Variants in CFAP69 observed in about 807,000 individuals in gnomAD.
CFAP69 encodes cilia- and flagella-associated protein 69.
Under a neutral mutation model 123.0 loss-of-function variants are expected in CFAP69, and 92 were observed. The ratio of observed to expected loss-of-function variants is 0.75; its 90% CI spans 0.63 to 0.89. The LOEUF is 0.89. CFAP69 is among the 40% of genes least tolerant of loss of function. The pLI, the probability that CFAP69 is intolerant of heterozygous loss-of-function variation, is 0.00. For missense variants in CFAP69, 1,067 were observed against 1,096.9 expected (o/e 0.97, Z 0.39); for synonymous variants, 380 against 364.3 (o/e 1.04, Z -0.49).
intron 2 of CFAP69, among the ~76,000 whole-genome samples, chr7:90,256,096 C>T (rs548881859): frequency 3.8e-4 from 57 of 151,948 alleles, no homozygotes; most frequent in Non-Finnish European, 6.3e-4. Context: ...AAAAGGAATA[C>T]GTATTGTTAG....
At chr7:90,314,158 A>G (rs1794563684), downstream of CFAP69, among the ~76,000 whole-genome samples, 1 of 152,186 alleles carries the variant, frequency 6.6e-6, no homozygotes, top group Non-Finnish European at 1.5e-5. Context: ...ACCCACAGGA[A>G]CCTCAGAAGA....
At chr7:90,321,825 C>T in the CFAP69 span, among the ~76,000 whole-genome samples, 51 of 152,238 alleles carry the variant, frequency 3.4e-4, no homozygotes, top group African/African-American at 1.2e-3. Context: ...GATGAAGACC[C>T]GAGCAAGTAC....
intron 1 of CFAP69, among the ~76,000 whole-genome samples, chr7:90,247,569 C>A (rs1235038196): frequency 6.6e-6 from 1 of 152,028 alleles, no homozygotes. Flanking sequence ...ATATATAGGC[C>A]GGGTGTGGTG....
the CFAP69 span, among the ~76,000 whole-genome samples, chr7:90,320,194 G>A: frequency 6.6e-6 from 1 of 152,128 alleles, no homozygotes; most frequent in African/African-American, 2.4e-5. Flanking sequence ...ATGTAACATA[G>A]GAAGTATTTT....
intron 8 of CFAP69, 113 bp downstream of exon 8, chr7:90,272,071 T>C (rs1800035143): frequency 1.0e-6 from 1 of 1,000,522 alleles, no homozygotes; most frequent in Non-Finnish European, 1.4e-6. Flanking sequence ...ATTCATGTAA[T>C]GGCTATGTTT....
At chr7:90,296,010 C>G (rs1791899919) in intron 15 of CFAP69, among the ~76,000 whole-genome samples, 1 of 152,142 alleles carries the variant, frequency 6.6e-6, no homozygotes, top group African/African-American at 2.4e-5. Flanking sequence ...TCCGCAAAGC[C>G]TTAATAACCT....
chr7:90,319,852 CA>C, the CFAP69 span: 2 of 397,430 alleles, frequency 5.0e-6, no homozygotes, highest in Non-Finnish European at 8.9e-6. Context: ...TGCTTTTGAT[CA>C]AGCCAAATCT....
chr7:90,253,408 T>C (rs1797257267), intron 1 of CFAP69, among the ~76,000 whole-genome samples: 1 of 152,188 alleles, frequency 6.6e-6, no homozygotes, highest in Non-Finnish European at 1.5e-5. Flanking sequence ...GTTTGTTTTT[T>C]GAGACGGAGT....
At chr7:90,321,852 G>A in the CFAP69 span, among the ~76,000 whole-genome samples, 2 of 152,140 alleles carry the variant, frequency 1.3e-5, no homozygotes, top group Non-Finnish European at 2.9e-5. Context: ...TTTCACATAT[G>A]TATGTTGTCC....
At chr7:90,274,417 A>G (rs909595227) in intron 9 of CFAP69, among the ~76,000 whole-genome samples, 1 of 152,192 alleles carries the variant, frequency 6.6e-6, no homozygotes, top group Non-Finnish European at 1.5e-5. Context: ...AACTTTGTTT[A>G]CAATTTCTTG....
intron 15 of CFAP69, among the ~76,000 whole-genome samples, chr7:90,295,247 C>G (rs544634761): frequency 1.3e-5 from 2 of 152,320 alleles, no homozygotes; most frequent in Non-Finnish European, 2.9e-5. Flanking sequence ...CCTCTAACTT[C>G]CTAAATCTTA....
At chr7:90,268,954 G>A (rs1297828386) in intron 6 of CFAP69, 1 of 151,970 alleles carries the variant, frequency 6.6e-6, no homozygotes, top group Non-Finnish European at 1.5e-5. Flanking sequence ...AGGGAGAGAG[G>A]ATATAAACAA....
intron 12 of CFAP69, among the ~76,000 whole-genome samples, chr7:90,282,298 G>T (rs1203965936): frequency 6.6e-6 from 1 of 152,046 alleles, no homozygotes; most frequent in Non-Finnish European, 1.5e-5. Flanking sequence ...TCAATGAGCT[G>T]TGATCATACC....
chr7:90,307,713 C>CA (rs35441907), intron 20 of CFAP69, 55 bp from the exon 21 acceptor site: 16,611 of 970,724 alleles, frequency 0.017, 1 homozygote, highest in East Asian at 0.038. Context: ...GGTTCTGTCT[C>CA]AAAAAAAAAA....
At chr7:90,258,068 A>T (rs775543150) in intron 2 of CFAP69, 30 bp from the exon 3 acceptor site, 1 of 1,558,852 alleles carries the variant, frequency 6.4e-7, no homozygotes. Context: ...TTAAAAGCAC[A>T]AAAGAACTAA....
chr7:90,263,027 T>G (rs17863970), intron 4 of CFAP69, among the ~76,000 whole-genome samples: 29 of 152,262 alleles, frequency 1.9e-4, no homozygotes, highest in Non-Finnish European at 3.4e-4. Flanking sequence ...TTGGAAATTA[T>G]TATTATATTG....
chr7:90,311,524 A>G (rs1045242581), downstream of CFAP69, among the ~76,000 whole-genome samples: 3 of 152,174 alleles, frequency 2.0e-5, no homozygotes, highest in African/African-American at 7.2e-5. Flanking sequence ...GGTTGGGAAA[A>G]CATAGATAGG....
chr7:90,273,407 A>G (rs1322754656), intron 8 of CFAP69, among the ~76,000 whole-genome samples: 1 of 152,190 alleles, frequency 6.6e-6, no homozygotes, highest in Non-Finnish European at 1.5e-5. Context: ...ACAAAGGAAA[A>G]TGACATGATT....
the CFAP69 span, among the ~76,000 whole-genome samples, chr7:90,321,995 C>T: frequency 6.6e-6 from 1 of 152,148 alleles, no homozygotes; most frequent in East Asian, 1.9e-4. Context: ...CATTTCCCCT[C>T]AGGCAGGCCA....
Sources: gnomAD v4.1 joint callset for allele counts (sites outside exome capture counted in the v4.1 genomes callset) on GRCh38, gnomAD v4.1.1 for gene constraint, MANE v1.5 for transcripts, NCBI Gene and HGNC (gene_info 2026-07-23, HGNC 2026-07-21) for gene names.